DYNC1I1: variants seen among roughly 807,000 people sequenced by gnomAD.
DYNC1I1 encodes the protein cytoplasmic dynein 1 intermediate chain 1.
In DYNC1I1, 43 loss-of-function variants were observed where a neutral mutation model predicts 86.6. The ratio of observed to expected loss-of-function variants is 0.50; its 90% CI spans 0.39 to 0.64. DYNC1I1 has a LOEUF of 0.64. DYNC1I1 is among the 30% of genes least tolerant of loss of function. The pLI is 0.00. For synonymous variants in DYNC1I1, 262 were observed against 283.7 expected, an observed-to-expected ratio of 0.92 and a Z score of 0.77; for missense variants, 604 against 788.8, an observed-to-expected ratio of 0.77 and a Z score of 2.81.
At chr7:95,934,129 C>A (rs1791976576) in intron 6 of DYNC1I1, among the ~76,000 whole-genome samples, 1 of 152,046 alleles carries the variant, frequency 6.6e-6, no homozygotes, top group Non-Finnish European at 1.5e-5. Flanking sequence ...ATTTCTTGGA[C>A]TAAAAACTGC....
chr7:96,063,346 C>T (rs912236447), intron 14 of DYNC1I1, among the ~76,000 whole-genome samples: 1 of 151,898 alleles, frequency 6.6e-6, no homozygotes, highest in Admixed American at 6.6e-5. Flanking sequence ...TGTGTCTGTG[C>T]ATTAGAGGCC....
chr7:95,872,881 C>A (rs1405510722), intron 6 of DYNC1I1, among the ~76,000 whole-genome samples: 2 of 152,186 alleles, frequency 1.3e-5, no homozygotes, highest in East Asian at 3.9e-4. Context: ...TCTGTACCAA[C>A]CATGAGGTCC....
intron 7 of DYNC1I1, among the ~76,000 whole-genome samples, chr7:95,982,857 T>C (rs1222016080): frequency 6.6e-6 from 1 of 152,226 alleles, no homozygotes; most frequent in African/African-American, 2.4e-5. Context: ...TGTAGTTTTA[T>C]TATATTCTGG....
intron 5 of DYNC1I1, among the ~76,000 whole-genome samples, chr7:95,835,854 GC>G (rs1262386609): frequency 1.3e-5 from 2 of 151,886 alleles, no homozygotes; most frequent in Non-Finnish European, 2.9e-5. Flanking sequence ...TTTATTTTGA[GC>G]CTATGTGTGT....
At chr7:95,793,353 T>G (rs763180798) in intron 1 of DYNC1I1, among the ~76,000 whole-genome samples, 1 of 151,886 alleles carries the variant, frequency 6.6e-6, no homozygotes, top group African/African-American at 2.4e-5. Context: ...ACAGCTTTAT[T>G]GGGTGGTACT....
intron 1 of DYNC1I1, among the ~76,000 whole-genome samples, chr7:95,773,499 G>A (rs1793762676): frequency 6.6e-6 from 1 of 152,072 alleles, no homozygotes; most frequent in Non-Finnish European, 1.5e-5. Flanking sequence ...TGAGTGTGCG[G>A]GAGTCTCATG....
intron 1 of DYNC1I1, among the ~76,000 whole-genome samples, chr7:95,779,889 A>G (rs1461124247): frequency 6.6e-6 from 1 of 152,134 alleles, no homozygotes; most frequent in Non-Finnish European, 1.5e-5. Context: ...AGAATCCTGG[A>G]AGTCTTGCTT....
chr7:95,951,116 A>C (rs1412175271), intron 6 of DYNC1I1, among the ~76,000 whole-genome samples: 1 of 152,252 alleles, frequency 6.6e-6, no homozygotes, highest in African/African-American at 2.4e-5. Flanking sequence ...CTCAGCAGAC[A>C]GCACCAGTTC....
At chr7:95,894,960 C>A (rs941512453) in intron 6 of DYNC1I1, among the ~76,000 whole-genome samples, 17 of 152,132 alleles carry the variant, frequency 1.1e-4, no homozygotes, top group African/African-American at 3.9e-4. Context: ...AAGAATTGGG[C>A]CTTTTCTGTT....
At chr7:95,941,131 A>C (rs534917464) in intron 6 of DYNC1I1, among the ~76,000 whole-genome samples, 1 of 152,170 alleles carries the variant, frequency 6.6e-6, no homozygotes, top group East Asian at 1.9e-4. Flanking sequence ...TGAACCGCCT[A>C]TGCTGCTGTC....
chr7:95,944,099 T>A (rs186080947), intron 6 of DYNC1I1, among the ~76,000 whole-genome samples: 1 of 151,958 alleles, frequency 6.6e-6, no homozygotes, highest in Non-Finnish European at 1.5e-5. Flanking sequence ...CCTACAAAAT[T>A]GGAGAAAATT....
At chr7:95,960,901 A>C (rs2116508274) in intron 6 of DYNC1I1, among the ~76,000 whole-genome samples, 1 of 152,340 alleles carries the variant, frequency 6.6e-6, no homozygotes, top group African/African-American at 2.4e-5. Context: ...AGAATCTTCA[A>C]GTTTTAATGG....
At chr7:96,027,413 A>C (rs1458912523) in intron 10 of DYNC1I1, among the ~76,000 whole-genome samples, 2 of 152,252 alleles carry the variant, frequency 1.3e-5, no homozygotes, top group Non-Finnish European at 2.9e-5. Flanking sequence ...ATCTCAGCTA[A>C]GTAATTTCCT....
intron 1 of DYNC1I1, among the ~76,000 whole-genome samples, chr7:95,780,272 C>CT (rs904745977): frequency 7.8e-4 from 114 of 146,344 alleles, no homozygotes; most frequent in East Asian, 2.6e-3. Flanking sequence ...ACTTCCCCCA[C>CT]TTTTTTTTTT....
intron 6 of DYNC1I1, among the ~76,000 whole-genome samples, chr7:95,938,229 A>G (rs557781723): frequency 2.0e-5 from 3 of 152,226 alleles, no homozygotes; most frequent in Non-Finnish European, 4.4e-5. Flanking sequence ...AATTGGTTGC[A>G]TATCTTTGCT....
intron 7 of DYNC1I1, among the ~76,000 whole-genome samples, chr7:95,984,018 A>G (rs1016574358): frequency 2.6e-5 from 4 of 152,162 alleles, no homozygotes; most frequent in Admixed American, 6.5e-5. Flanking sequence ...AAAACTCTCA[A>G]TTGAAGGAAT....
chr7:95,801,497 C>T (rs1268361561), intron 1 of DYNC1I1, among the ~76,000 whole-genome samples: 3 of 151,978 alleles, frequency 2.0e-5, no homozygotes, highest in East Asian at 1.9e-4. Flanking sequence ...TGAAGTTGCA[C>T]GAGACAGTTT....
chr7:95,890,376 A>G (rs932592398), intron 6 of DYNC1I1, among the ~76,000 whole-genome samples: 1 of 152,162 alleles, frequency 6.6e-6, no homozygotes, highest in African/African-American at 2.4e-5. Context: ...GACTTAAATG[A>G]TGAGAACACA....
chr7:95,863,054 G>A (rs1391426999), intron 5 of DYNC1I1, among the ~76,000 whole-genome samples: 1 of 152,104 alleles, frequency 6.6e-6, no homozygotes, highest in Non-Finnish European at 1.5e-5. Flanking sequence ...TGGATTCAGA[G>A]GGCCAACTGT....
Sources: allele counts gnomAD v4.1 joint callset (sites outside exome capture counted in the v4.1 genomes callset), GRCh38; gene constraint gnomAD v4.1.1; transcripts MANE v1.5; gene names NCBI Gene and HGNC (gene_info 2026-07-23, HGNC 2026-07-21).